The following SGK1 variants were observed in gnomAD, a reference collection of about 807,000 sequenced individuals.
SGK1 encodes serum/glucocorticoid regulated kinase 1, also known as serine/threonine-protein kinase Sgk1.
Under a neutral mutation model 64.2 loss-of-function variants are expected in SGK1, and 26 were observed. That is an observed-to-expected ratio of 0.40 (90% CI 0.30 to 0.56). SGK1 has a LOEUF of 0.56. SGK1 is among the 20% of genes least tolerant of loss of function. SGK1 has a pLI of 0.38. For missense variants in SGK1, 519 were observed against 645.6 expected (o/e 0.80, Z 2.12); for synonymous variants, 265 against 239.7 (o/e 1.11, Z -0.98).
At chr6:134,227,343 CAGGCTAGTCTTG>C (rs1283378812) in intron 2 of SGK1, among the ~76,000 whole-genome samples, 1 of 152,110 alleles carries the variant, frequency 6.6e-6, no homozygotes, top group East Asian at 1.9e-4. Flanking sequence ...CCATCTTGGC[CAGGCTAGTCTTG>C]AACTCCTGAC....
At chr6:134,181,550 G>C (rs1221613287) in intron 3 of SGK1, among the ~76,000 whole-genome samples, 1 of 152,046 alleles carries the variant, frequency 6.6e-6, no homozygotes, top group Non-Finnish European at 1.5e-5. Flanking sequence ...TCACCATGTT[G>C]ATCAGACTGG....
At chr6:134,300,769 A>G (rs1043510199) in intron 1 of SGK1, among the ~76,000 whole-genome samples, 37 of 149,264 alleles carry the variant, frequency 2.5e-4, no homozygotes, top group African/African-American at 9.1e-4. Flanking sequence ...AGTAGCTGGG[A>G]TTACAGGCAT....
chr6:134,268,131 G>A (rs1376847539), intron 1 of SGK1, among the ~76,000 whole-genome samples: 2 of 152,176 alleles, frequency 1.3e-5, no homozygotes, highest in Non-Finnish European at 2.9e-5. Context: ...TCCTCCCACG[G>A]CCCCTCGGGG....
intron 4 of SGK1, 47 bp from the exon 5 acceptor site, chr6:134,174,127 G>T: frequency 7.2e-7 from 1 of 1,386,844 alleles, no homozygotes; most frequent in Non-Finnish European, 1.0e-6. Flanking sequence ...CGCCACTAGG[G>T]GGCACACCAA....
intron 1 of SGK1, chr6:134,298,033 T>C: frequency 1.0e-6 from 1 of 972,996 alleles, no homozygotes; most frequent in South Asian, 1.3e-5. Context: ...TCCCGATCTC[T>C]TCATACAGCT....
chr6:134,257,251 A>G (rs1182244391), intron 2 of SGK1: 1 of 152,138 alleles, frequency 6.6e-6, no homozygotes, highest in Non-Finnish European at 1.5e-5. Context: ...ACATGGAGAA[A>G]CCCTGTCCAG....
chr6:134,292,852 GT>G (rs1471927151), intron 1 of SGK1, among the ~76,000 whole-genome samples: 30 of 152,164 alleles, frequency 2.0e-4, no homozygotes, highest in African/African-American at 7.0e-4. Context: ...TTTAAAGAAG[GT>G]TGGAAGTACT....
chr6:134,259,309 C>T (rs1343970843), intron 2 of SGK1, among the ~76,000 whole-genome samples: 1 of 152,080 alleles, frequency 6.6e-6, no homozygotes, highest in Non-Finnish European at 1.5e-5. Flanking sequence ...CCTCTCTCTG[C>T]TTCTAAGTCA....
intron 1 of SGK1, chr6:134,298,202 C>T (rs536251732): frequency 5.8e-6 from 9 of 1,549,094 alleles, no homozygotes; most frequent in Admixed American, 3.3e-5. Context: ...TGCATGTTGC[C>T]AAGCTCTGCC....
intron 1 of SGK1, among the ~76,000 whole-genome samples, chr6:134,293,366 G>A (rs1464433259): frequency 6.6e-6 from 1 of 152,138 alleles, no homozygotes; most frequent in Non-Finnish European, 1.5e-5. Flanking sequence ...TTAGATCAGT[G>A]TTTATTTATT....
At chr6:134,230,128 T>C (rs989617344) in intron 2 of SGK1, among the ~76,000 whole-genome samples, 3 of 152,288 alleles carry the variant, frequency 2.0e-5, no homozygotes, top group Non-Finnish European at 2.9e-5. Context: ...GTAACTCTCC[T>C]GGAGAAGAGT....
At chr6:134,183,616 T>C (rs896860910) in intron 3 of SGK1, among the ~76,000 whole-genome samples, 3 of 152,196 alleles carry the variant, frequency 2.0e-5, no homozygotes, top group Non-Finnish European at 2.9e-5. Context: ...CGCTATGCCT[T>C]AATGTCATTA....
At chr6:134,298,194 C>T in intron 1 of SGK1, 1 of 1,518,264 alleles carries the variant, frequency 6.6e-7, no homozygotes, top group South Asian at 1.1e-5. Context: ...CCAGCCCCTG[C>T]ATGTTGCCAA....
At chr6:134,182,234 C>A (rs1775342676) in intron 3 of SGK1, among the ~76,000 whole-genome samples, 2 of 152,002 alleles carry the variant, frequency 1.3e-5, no homozygotes, top group Admixed American at 1.3e-4. Context: ...GTTATACCTG[C>A]CTCATATAAG....
At chr6:134,300,515 G>C (rs1378684512) in intron 1 of SGK1, among the ~76,000 whole-genome samples, 1 of 141,262 alleles carries the variant, frequency 7.1e-6, no homozygotes, top group African/African-American at 2.6e-5. Flanking sequence ...TCCAGCCTGG[G>C]CAACAGCGCA....
chr6:134,261,628 T>C (rs1282466990), intron 2 of SGK1: 16 of 578,928 alleles, frequency 2.8e-5, no homozygotes, highest in Non-Finnish European at 3.1e-6. Flanking sequence ...AACTCTAACA[T>C]AAAACTCTGC....
At chr6:134,280,776 G>C (rs886955997) in intron 1 of SGK1, among the ~76,000 whole-genome samples, 1 of 152,130 alleles carries the variant, frequency 6.6e-6, no homozygotes, top group Non-Finnish European at 1.5e-5. Context: ...GAATGAAATA[G>C]CAGATCCAGG....
intron 2 of SGK1, 127 bp from the exon 3 acceptor site, chr6:134,207,558 A>G (rs1180422445): frequency 7.2e-6 from 5 of 690,374 alleles, no homozygotes; most frequent in Non-Finnish European, 1.3e-5. Context: ...CTGTGCTCTA[A>G]TTAGGGTGGT....
intron 3 of SGK1, chr6:134,175,770 C>T: frequency 7.5e-7 from 1 of 1,334,230 alleles, no homozygotes; most frequent in Non-Finnish European, 9.6e-7. Context: ...TGCCCCGAGT[C>T]CCAAAACAAA....
Sources: allele counts gnomAD v4.1 joint callset (sites outside exome capture counted in the v4.1 genomes callset), GRCh38; gene constraint gnomAD v4.1.1; transcripts MANE v1.5; gene names NCBI Gene and HGNC (gene_info 2026-07-23, HGNC 2026-07-21).